OSBPL11: variants seen among roughly 807,000 people sequenced by gnomAD.
The protein encoded by OSBPL11 is oxysterol binding protein like 11.
In OSBPL11, 33 loss-of-function variants were observed where a neutral mutation model predicts 84.4. The observed-to-expected ratio is 0.39, with a 90% CI of 0.30 to 0.52. OSBPL11 has a LOEUF of 0.52. Among genes scored for constraint, OSBPL11 ranks in the 20% least tolerant of loss-of-function variants. OSBPL11 has a pLI of 0.72. For synonymous variants in OSBPL11, 276 were observed against 310.2 expected, an observed-to-expected ratio of 0.89 and a Z score of 1.16; for missense variants, 736 against 901.1, an observed-to-expected ratio of 0.82 and a Z score of 2.35.
chr3:125,585,404 G>A (rs140258250), intron 1 of OSBPL11, among the ~76,000 whole-genome samples: 1 of 152,198 alleles, frequency 6.6e-6, no homozygotes, highest in Non-Finnish European at 1.5e-5. Flanking sequence ...CCAAAGTGCT[G>A]GGATTATAGG....
chr3:125,581,984 A>G (rs1483680855), intron 2 of OSBPL11, among the ~76,000 whole-genome samples: 1 of 151,852 alleles, frequency 6.6e-6, no homozygotes, highest in African/African-American at 2.4e-5. Flanking sequence ...AAAAATAATT[A>G]ATTAATTAAT....
At chr3:125,555,811 A>G (rs1335065076) in intron 8 of OSBPL11, among the ~76,000 whole-genome samples, 1 of 152,082 alleles carries the variant, frequency 6.6e-6, no homozygotes, top group Non-Finnish European at 1.5e-5. Context: ...CAGCCTCCTG[A>G]ATGGCTGGGA....
At chr3:125,536,315 T>G (rs1350535884) in intron 11 of OSBPL11, among the ~76,000 whole-genome samples, 1 of 152,186 alleles carries the variant, frequency 6.6e-6, no homozygotes, top group Non-Finnish European at 1.5e-5. Flanking sequence ...TCAAATAACT[T>G]ATATGGAAAT....
chr3:125,542,003 G>A (rs1935736084), intron 10 of OSBPL11, among the ~76,000 whole-genome samples: 1 of 152,186 alleles, frequency 6.6e-6, no homozygotes, highest in South Asian at 2.1e-4. Flanking sequence ...TTGACCTGAG[G>A]TCTGACATTA....
intron 1 of OSBPL11, among the ~76,000 whole-genome samples, chr3:125,590,734 T>C (rs966923895): frequency 1.7e-4 from 26 of 152,128 alleles, no homozygotes; most frequent in African/African-American, 5.6e-4. Flanking sequence ...TCAGACATAG[T>C]AGAGACTCAA....
In OSBPL11 at chr3:125,594,882, T is replaced by G. The variant is rs1936657852; in HGVS notation, c.-82A>C. ...TGTAGGTGACTTTTTTTTTTTAAGATTTGATCTGAATATGATACCGGTTGC... is the reference window on the plus strand; with the variant it reads ...TGTAGGTGACTTTTTTTTTTTAAGAGTTGATCTGAATATGATACCGGTTGC... On this transcript the variant is annotated 5_prime_UTR_variant, in exon 1 of 13. Transcript: ENST00000296220. The G allele has an allele frequency of 6.8e-7, 1 of 1,468,944 alleles. No homozygotes were observed. Among genetic ancestry groups the G allele is most frequent in the Non-Finnish European group, 9.2e-7 (1 of 1,087,336 alleles). 91.0% of individuals were successfully genotyped at this position (1,468,944 alleles called of 1,614,324 possible).
chr3:125,573,565 G>A (rs180932894), intron 5 of OSBPL11, among the ~76,000 whole-genome samples: 8 of 152,210 alleles, frequency 5.3e-5, no homozygotes, highest in Admixed American at 2.0e-4. Context: ...CTACTCACAA[G>A]AGTTAGCTGC....
intron 9 of OSBPL11, among the ~76,000 whole-genome samples, chr3:125,551,769 C>T (rs1935912299): frequency 6.6e-6 from 1 of 151,278 alleles, no homozygotes; most frequent in African/African-American, 2.4e-5. Context: ...CAGAGCGAGA[C>T]TCCATCTCAA....
At chr3:125,574,336 C>T (rs1936286985) in intron 5 of OSBPL11, among the ~76,000 whole-genome samples, 1 of 151,042 alleles carries the variant, frequency 6.6e-6, no homozygotes, top group South Asian at 2.1e-4. Flanking sequence ...ATTAAATTTA[C>T]TACATCTTGA....
intron 4 of OSBPL11, among the ~76,000 whole-genome samples, chr3:125,577,005 G>C (rs750167084): frequency 6.6e-6 from 1 of 152,034 alleles, no homozygotes; most frequent in Non-Finnish European, 1.5e-5. Context: ...GATTAACACA[G>C]AAAATGCACT....
chr3:125,572,729 C>T (rs1936260310), intron 5 of OSBPL11, among the ~76,000 whole-genome samples: 1 of 151,582 alleles, frequency 6.6e-6, no homozygotes, highest in African/African-American at 2.4e-5. Flanking sequence ...AACTGTAAGT[C>T]CATCCAACCT....
chr3:125,552,789 A>G, intron 8 of OSBPL11, 110 bp from the exon 9 acceptor site: 1 of 1,275,522 alleles, frequency 7.8e-7, no homozygotes, highest in South Asian at 1.5e-5. Context: ...TTAAAAACAA[A>G]GTCACAAAGA....
intron 1 of OSBPL11, among the ~76,000 whole-genome samples, chr3:125,589,639 AT>A: frequency 6.6e-6 from 1 of 151,808 alleles, no homozygotes; most frequent in East Asian, 1.9e-4. Context: ...AAAAGCAGAC[AT>A]TTATGACTTT....
At position 125,595,314 on chromosome 3, in the gene OSBPL11, G is replaced by C. The variant is rs1936667252; in HGVS notation, c.-514C>G. The stretch of plus-strand genomic sequence containing the variant: ...GATACAGCCAGGGCCGGCGCGCGCA[G>C]CCGGGGAGGAGGGTCGGGGAATGAG... On this transcript the variant is annotated 5_prime_UTR_variant, in exon 1 of 13. Transcript: ENST00000296220. Among the ~76,000 whole-genome samples the C allele has an allele frequency of 6.6e-6, 1 of 151,860 alleles. No individual in the cohort carries two copies. Among genetic ancestry groups the C allele is most frequent in the African/African-American group, 2.4e-5 (1 of 41,326 alleles).
rs1283807979 is a variant in OSBPL11, at chr3:125,538,547, T to C, written c.1928A>G (p.Tyr643Cys). The change falls in exon 11 of 13, where the codon TAT (tyrosine) becomes TGT (cysteine). Residue 643 changes from tyrosine to cysteine, a missense_variant. This residue lies in a region of OSBPL11 where 579 missense variants were observed against 717.6 expected (regional missense o/e 0.81). Transcript: ENST00000296220. ...CACATACTTTGTCTCTCCATTGCTA[T>C]ATGTGAACTCAAGAACACTATTCCA... ...GEWNSVLEFT[Y>C]SNGETKYVDL... 5 of 1,614,084 alleles carry C rather than the reference T, an allele frequency of 3.1e-6. No homozygotes were observed. Among genetic ancestry groups the C allele is most frequent in the Middle Eastern group, 1.6e-4 (1 of 6,084 alleles).
At chr3:125,585,976 C>G (rs562394590) in intron 1 of OSBPL11, among the ~76,000 whole-genome samples, 1 of 152,276 alleles carries the variant, frequency 6.6e-6, no homozygotes, top group African/African-American at 2.4e-5. Context: ...GTGCCTCATG[C>G]CTGTAATCTC....
chr3:125,570,388 G>A (rs1317479292), intron 5 of OSBPL11, among the ~76,000 whole-genome samples: 1 of 151,564 alleles, frequency 6.6e-6, no homozygotes, highest in Non-Finnish European at 1.5e-5. Context: ...GTGGTGGTGT[G>A]TGCCTGTAAT....
intron 10 of OSBPL11, among the ~76,000 whole-genome samples, chr3:125,547,003 C>A (rs1935829443): frequency 6.6e-6 from 1 of 152,106 alleles, no homozygotes; most frequent in African/African-American, 2.4e-5. Context: ...GAAGCACATA[C>A]ACTGGCTTTA....
intron 10 of OSBPL11, among the ~76,000 whole-genome samples, chr3:125,542,434 C>G (rs1029273919): frequency 6.6e-6 from 1 of 151,606 alleles, no homozygotes; most frequent in Non-Finnish European, 1.5e-5. Context: ...CTCCCAGGTT[C>G]AAGCGATACT....
Sources: allele counts gnomAD v4.1 joint callset (sites outside exome capture counted in the v4.1 genomes callset), GRCh38; gene constraint gnomAD v4.1.1; regional missense constraint gnomAD v4.1.1; transcripts MANE v1.5; gene names NCBI Gene and HGNC (gene_info 2026-07-23, HGNC 2026-07-21).